The following SNTG2 variants were observed in gnomAD, a reference collection of about 807,000 sequenced individuals.
SNTG2 encodes syntrophin gamma 2, also known as gamma-2-syntrophin.
SNTG2 carries 74 observed loss-of-function variants against 70.9 expected under a neutral mutation model. The observed-to-expected ratio is 1.04, with a 90% CI of 0.86 to 1.27. The LOEUF is 1.27. Ranked by LOEUF, SNTG2 falls within the 50% of genes most tolerant of loss-of-function variation. The pLI, the probability that SNTG2 is intolerant of heterozygous loss-of-function variation, is 0.00. For synonymous variants in SNTG2, 278 were observed against 273.8 expected, an observed-to-expected ratio of 1.02 and a Z score of -0.15; for missense variants, 717 against 690.7, an observed-to-expected ratio of 1.04 and a Z score of -0.43.
At chr2:1,159,756 T>C (rs28756030) in intron 6 of SNTG2, among the ~76,000 whole-genome samples, 94,165 of 152,010 alleles carry the variant, frequency 0.62, 32,374 homozygotes, top group Non-Finnish European at 0.8. Context: ...AGAGAAAACA[T>C]AGAGGACAAG....
At chr2:1,083,392 C>T (rs1400988159) in intron 1 of SNTG2, 126 bp from the exon 2 acceptor site, 3 of 836,434 alleles carry the variant, frequency 3.6e-6, no homozygotes, top group Non-Finnish European at 5.7e-6. Context: ...GAGCACAGAT[C>T]TGTGCACACG....
intron 14 of SNTG2, among the ~76,000 whole-genome samples, chr2:1,278,388 T>G (rs2148201402): frequency 6.6e-6 from 1 of 152,174 alleles, no homozygotes; most frequent in East Asian, 1.9e-4. Flanking sequence ...CTGCACCAGG[T>G]TGCTGTTTAT....
intron 4 of SNTG2, among the ~76,000 whole-genome samples, chr2:1,108,999 C>T (rs1226687189): frequency 4.4e-5 from 4 of 89,916 alleles, no homozygotes; most frequent in Admixed American, 1.2e-4. Context: ...TGCTGTCACT[C>T]GGGTGCAGGG....
At chr2:1,066,155 C>G (rs1663134275) in intron 1 of SNTG2, among the ~76,000 whole-genome samples, 1 of 152,142 alleles carries the variant, frequency 6.6e-6, no homozygotes, top group African/African-American at 2.4e-5. Flanking sequence ...ATTCCTGTGG[C>G]ATAAAAATCC....
rs1311970361 is a variant in SNTG2 at position 1,367,525 on chromosome 2, ATTCT to A, written c.*55_*58del. On this transcript the variant is annotated 3_prime_UTR_variant, in exon 17 of 17. Transcript: ENST00000308624. ...AATTAAATTATTTTCGTAAGAAATG[ATTCT>A]TTCCTGCAGAATATTGCAACTTTGT... The A allele has an allele frequency of 1.5e-5, 23 of 1,540,488 alleles. No individual in the cohort carries two copies. Among genetic ancestry groups the A allele is most frequent in the Non-Finnish European group, 1.8e-5 (20 of 1,140,622 alleles).
At chr2:987,188 T>TA (rs1238986022) in intron 1 of SNTG2, among the ~76,000 whole-genome samples, 2 of 152,056 alleles carry the variant, frequency 1.3e-5, no homozygotes, top group African/African-American at 4.8e-5. Flanking sequence ...TGTAGGAACT[T>TA]AGAGGAGATG....
At chr2:974,448 C>G (rs1471381421) in intron 1 of SNTG2, among the ~76,000 whole-genome samples, 2 of 152,164 alleles carry the variant, frequency 1.3e-5, no homozygotes, top group Non-Finnish European at 2.9e-5. Flanking sequence ...GCAGCCCTGT[C>G]AGTTTGACCC....
chr2:1,003,502 C>A (rs754036080), intron 1 of SNTG2, among the ~76,000 whole-genome samples: 1 of 152,178 alleles, frequency 6.6e-6, no homozygotes, highest in Non-Finnish European at 1.5e-5. Flanking sequence ...TTCATCATGT[C>A]TAGACTTCAT....
chr2:1,164,501 G>T (rs1417919476), intron 6 of SNTG2, among the ~76,000 whole-genome samples: 3 of 109,896 alleles, frequency 2.7e-5, no homozygotes, highest in African/African-American at 1.2e-4. Context: ...GGCCTAGGAG[G>T]ATGAAGTGAG....
Position 1,084,647 on chromosome 2 carries a change from A to C in SNTG2, c.210+992A>C, listed in dbSNP as rs573464013. 7.2e-5 allele frequency among the ~76,000 whole-genome samples: 11 copies of C among 152,322 alleles called. No homozygotes were observed. In the East Asian group the frequency reaches 1.2e-3, roughly 16 times the overall value. ...GTCTTCGTCTGTTTGAGTTGCTGTA[A>C]CAAAATCCCCAAGCTGGGTAATTTA... On this transcript the variant is annotated intron_variant, in intron 2 of 16. Transcript: ENST00000308624.
chr2:1,061,778 A>G (rs1425816186), intron 1 of SNTG2, among the ~76,000 whole-genome samples: 1 of 152,130 alleles, frequency 6.6e-6, no homozygotes, highest in Non-Finnish European at 1.5e-5. Context: ...CTTAGGTAAA[A>G]TCTTAAAACC....
intron 6 of SNTG2, among the ~76,000 whole-genome samples, chr2:1,155,927 G>A (rs552875790): frequency 3.9e-5 from 6 of 152,128 alleles, no homozygotes; most frequent in South Asian, 2.1e-4. Context: ...GGACCCCAGC[G>A]TTCAGAGCTC....
At chr2:1,219,063 C>G (rs982734821) in intron 9 of SNTG2, among the ~76,000 whole-genome samples, 1 of 152,092 alleles carries the variant, frequency 6.6e-6, no homozygotes, top group Non-Finnish European at 1.5e-5. Context: ...GACTGGATCA[C>G]GGGGCAGATT....
At chr2:1,061,149 A>AC (rs1662794002) in intron 1 of SNTG2, among the ~76,000 whole-genome samples, 2 of 152,222 alleles carry the variant, frequency 1.3e-5, no homozygotes, top group African/African-American at 4.8e-5. Context: ...AAGAGACATG[A>AC]CAGCATAGAG....
At chr2:1,302,077 T>A (rs111836541) in intron 14 of SNTG2, among the ~76,000 whole-genome samples, 1,817 of 151,958 alleles carry the variant, frequency 0.012, 39 homozygotes, top group African/African-American at 0.042. Flanking sequence ...TTCTCCTGCC[T>A]CATCCTCCCA....
At chr2:1,031,644 C>T (rs1660846214) in intron 1 of SNTG2, among the ~76,000 whole-genome samples, 1 of 149,838 alleles carries the variant, frequency 6.7e-6, no homozygotes, top group Non-Finnish European at 1.5e-5. Context: ...AATTCTCCTG[C>T]CTCAGCCTCC....
chr2:1,016,540 C>T (rs1051389927), intron 1 of SNTG2, among the ~76,000 whole-genome samples: 3 of 101,124 alleles, frequency 3.0e-5, no homozygotes, highest in African/African-American at 5.5e-5. Flanking sequence ...CACGCCCGGC[C>T]GACAACTTTA....
intron 14 of SNTG2, among the ~76,000 whole-genome samples, chr2:1,282,564 A>C (rs1679592052): frequency 6.6e-6 from 1 of 152,174 alleles, no homozygotes; most frequent in African/African-American, 2.4e-5. Flanking sequence ...AAATTCTACC[A>C]AACAGGGGAA....
intron 14 of SNTG2, among the ~76,000 whole-genome samples, chr2:1,269,004 C>T (rs1678887433): frequency 6.6e-6 from 1 of 152,104 alleles, no homozygotes; most frequent in Non-Finnish European, 1.5e-5. Context: ...TGACAGGTTA[C>T]AGGAGAAGAT....
Sources: allele counts gnomAD v4.1 joint callset (sites outside exome capture counted in the v4.1 genomes callset), GRCh38; gene constraint gnomAD v4.1.1; transcripts MANE v1.5; gene names NCBI Gene and HGNC (gene_info 2026-07-23, HGNC 2026-07-21).